The following GPHN variants were observed in gnomAD, a reference collection of about 807,000 sequenced individuals.
The protein encoded by GPHN is gephyrin.
GPHN carries 17 observed loss-of-function variants against 95.5 expected under a neutral mutation model. That is an observed-to-expected ratio of 0.18 (90% CI 0.12 to 0.27). The LOEUF (loss-of-function observed/expected upper bound fraction) is 0.27, where lower values mean the gene tolerates loss of function less well. Ranked by LOEUF, GPHN falls within the 10% of genes least tolerant of loss-of-function variation. GPHN has a pLI of 1.00. For missense variants in GPHN, 660 were observed against 978.1 expected (o/e 0.67, Z 4.34); for synonymous variants, 320 against 322.5 (o/e 0.99, Z 0.08).
intron 3 of GPHN, among the ~76,000 whole-genome samples, chr14:66,791,479 T>A (rs751443751): frequency 1.3e-4 from 20 of 152,264 alleles, no homozygotes; most frequent in Admixed American, 6.5e-5. Flanking sequence ...GGTTATTTCT[T>A]GATTATATGC....
chr14:67,497,038 C>T, the GPHN span, among the ~76,000 whole-genome samples: 11 of 152,118 alleles, frequency 7.2e-5, no homozygotes, highest in African/African-American at 1.2e-4. Flanking sequence ...GTGATCGGCC[C>T]GCCTCAGCCT....
chr14:67,485,217 C>T, the GPHN span, among the ~76,000 whole-genome samples: 1 of 152,208 alleles, frequency 6.6e-6, no homozygotes, highest in East Asian at 1.9e-4. Flanking sequence ...GATGTGCCTC[C>T]CATCTGAGGA....
At chr14:67,393,151 G>A in the GPHN span, 77 of 1,608,492 alleles carry the variant, frequency 4.8e-5, no homozygotes, top group Non-Finnish European at 6.0e-5. Context: ...CAGGCTCACC[G>A]AGGAAGGTCT....
chr14:66,739,494 G>A (rs1315885781), intron 2 of GPHN, among the ~76,000 whole-genome samples: 18 of 149,436 alleles, frequency 1.2e-4, no homozygotes, highest in African/African-American at 4.4e-4. Flanking sequence ...GGGATTACAG[G>A]CGTGAGCCAC....
the GPHN span, chr14:67,585,350 G>C: frequency 1.9e-6 from 1 of 538,844 alleles, no homozygotes; most frequent in Non-Finnish European, 3.3e-6. Context: ...GAGATGGTTA[G>C]TAGGTGGCCA....
chr14:67,698,779 G>A, the GPHN span, among the ~76,000 whole-genome samples: 12 of 152,294 alleles, frequency 7.9e-5, no homozygotes, highest in African/African-American at 2.6e-4. Context: ...TGTTGTAAAT[G>A]TGAAAGCAGC....
the GPHN span, among the ~76,000 whole-genome samples, chr14:67,457,047 T>A: frequency 6.6e-6 from 1 of 152,158 alleles, no homozygotes; most frequent in Non-Finnish European, 1.5e-5. Context: ...AAATACAGCA[T>A]CTTCTCGTGT....
the GPHN span, among the ~76,000 whole-genome samples, chr14:67,528,898 A>G: frequency 6.6e-6 from 1 of 152,144 alleles, no homozygotes; most frequent in Admixed American, 6.5e-5. Context: ...GTGGCCTGGA[A>G]TCTGTATTTT....
At chr14:66,856,469 A>C (rs2062807963) in intron 4 of GPHN, among the ~76,000 whole-genome samples, 1 of 152,130 alleles carries the variant, frequency 6.6e-6, no homozygotes, top group Non-Finnish European at 1.5e-5. Context: ...AGAATTCTAC[A>C]ACAGAGAGAA....
At chr14:67,700,575 C>T in the GPHN span, among the ~76,000 whole-genome samples, 1 of 151,634 alleles carries the variant, frequency 6.6e-6, no homozygotes, top group Non-Finnish European at 1.5e-5. Context: ...ATTAGCCGGG[C>T]GTGGTGGCGG....
At chr14:66,725,509 T>C (rs567648338) in intron 2 of GPHN, among the ~76,000 whole-genome samples, 1 of 152,264 alleles carries the variant, frequency 6.6e-6, no homozygotes, top group African/African-American at 2.4e-5. Context: ...TTTTTGACAG[T>C]GTCTTGCTCT....
chr14:66,601,019 T>C (rs2062209755), intron 1 of GPHN, among the ~76,000 whole-genome samples: 1 of 152,042 alleles, frequency 6.6e-6, no homozygotes, highest in South Asian at 2.1e-4. Flanking sequence ...TTAATATGTG[T>C]TCATTTATTG....
the GPHN span, among the ~76,000 whole-genome samples, chr14:67,672,652 A>C: frequency 0.012 from 1,763 of 151,276 alleles, 33 homozygotes; most frequent in African/African-American, 0.041. Flanking sequence ...CATATTGGCC[A>C]GGCTGGTCTT....
chr14:67,627,256 GATATATATATAT>G, the GPHN span, among the ~76,000 whole-genome samples: 1 of 133,750 alleles, frequency 7.5e-6, no homozygotes, highest in Non-Finnish European at 1.6e-5. Flanking sequence ...TCAGTAAGGA[GATATATATATAT>G]ATATATATAT....
At chr14:67,595,239 T>C in the GPHN span, among the ~76,000 whole-genome samples, 2 of 152,176 alleles carry the variant, frequency 1.3e-5, no homozygotes, top group East Asian at 3.8e-4. Flanking sequence ...GTGTGGTAAA[T>C]CTCATATAAT....
intron 3 of GPHN, among the ~76,000 whole-genome samples, chr14:66,822,570 G>A (rs1446284657): frequency 6.6e-6 from 1 of 152,120 alleles, no homozygotes; most frequent in African/African-American, 2.4e-5. Flanking sequence ...TACATGGTAG[G>A]TACTTCATAA....
intron 1 of GPHN, among the ~76,000 whole-genome samples, chr14:66,544,601 A>AT (rs1199440874): frequency 7.0e-6 from 1 of 143,310 alleles, no homozygotes; most frequent in Non-Finnish European, 1.5e-5. Context: ...TAATTTATTT[A>AT]TTTTTTATTG....
At chr14:67,433,498 C>A in the GPHN span, among the ~76,000 whole-genome samples, 1 of 151,740 alleles carries the variant, frequency 6.6e-6, no homozygotes, top group Non-Finnish European at 1.5e-5. Flanking sequence ...GTACTTTGAT[C>A]CTAATTGTGA....
chr14:66,914,971 A>G (rs1409200948), intron 5 of GPHN, among the ~76,000 whole-genome samples: 2 of 152,148 alleles, frequency 1.3e-5, no homozygotes, highest in African/African-American at 4.8e-5. Context: ...AAAGGTCAGA[A>G]AATAGCCTTA....
Sources: allele counts gnomAD v4.1 joint callset (sites outside exome capture counted in the v4.1 genomes callset), GRCh38; gene constraint gnomAD v4.1.1; transcripts MANE v1.5; gene names NCBI Gene and HGNC (gene_info 2026-07-23, HGNC 2026-07-21).